EEF1A2: variants seen among roughly 807,000 people sequenced by gnomAD.
EEF1A2 encodes the protein eukaryotic translation elongation factor 1 alpha 2.
Under a neutral mutation model 39.3 loss-of-function variants are expected in EEF1A2, and 5 were observed. The observed-to-expected ratio is 0.13, with a 90% CI of 0.07 to 0.27. The LOEUF (loss-of-function observed/expected upper bound fraction) is 0.27, where lower values mean the gene tolerates loss of function less well. Ranked by LOEUF, EEF1A2 falls within the 10% of genes least tolerant of loss-of-function variation. EEF1A2 has a pLI of 1.00. For missense variants in EEF1A2, 218 were observed against 681.4 expected (o/e 0.32, Z 7.57); for synonymous variants, 287 against 293.7 (o/e 0.98, Z 0.23).
At position 63,497,948 on chromosome 20, in the gene EEF1A2, C is replaced by T; in HGVS notation, c.-71-114G>A. ...GCATCCCTGCCCACAAACCAAGCCCCCATGTTTGGTGGGGAGGGAAGGGCC... is the reference window on the plus strand; with the variant it reads ...GCATCCCTGCCCACAAACCAAGCCCTCATGTTTGGTGGGGAGGGAAGGGCC... On this transcript the variant is annotated intron_variant, in intron 1 of 7. Transcript: ENST00000217182. This position sits in a 1 kb window ranked among gnomAD's most constrained non-coding sequence, Gnocchi z 7.3. 2.5e-6 allele frequency: 2 copies of T among 803,242 alleles called. No homozygotes were observed. Among genetic ancestry groups the T allele is most frequent in the Non-Finnish European group, 3.7e-6 (2 of 542,220 alleles). 49.8% of individuals were successfully genotyped at this position (803,242 alleles called of 1,614,324 possible).
In EEF1A2 at chr20:63,491,958, G is replaced by GTGGA. The variant is rs145650602; in HGVS notation, c.772+1175_772+1178dup. Among the ~76,000 whole-genome samples the GTGGA allele has an allele frequency of 3.0e-3, 209 of 68,556 alleles. 3 individuals are homozygous for GTGGA. Among genetic ancestry groups the GTGGA allele is most frequent in the Non-Finnish European group, 4.0e-3 (154 of 38,614 alleles). The allele number at this position is 68,556 out of a possible 152,430, so 45.0% of individuals were successfully genotyped here. ...GATGGATGGACGGACGGATGGGGAG[G>GTGGA]TGGATGGATGGATGGATGGATGGAT... On this transcript the variant is annotated intron_variant, in intron 5 of 7. Transcript: ENST00000217182.
rs1167375518 is a variant in EEF1A2, at chr20:63,491,876, A to AGATGGATGGATG, written c.773-1153_773-1142dup. 2.1e-3 allele frequency among the ~76,000 whole-genome samples: 130 copies of AGATGGATGGATG among 62,324 alleles called. 3 individuals carry two copies. Among genetic ancestry groups the AGATGGATGGATG allele is most frequent in the Middle Eastern group, 0.014 (1 of 74 alleles). The allele number at this position is 62,324 out of a possible 152,430, so 40.9% of individuals were successfully genotyped here. On this transcript the variant is annotated intron_variant, in intron 5 of 7. Coordinates refer to ENST00000217182, the MANE Select transcript of EEF1A2 (RefSeq NM_001958.5). ...TGGATGGATGGGGAGGTGGATGGAT[A>AGATGGATGGATG]GATGGATGGATGGATGGATGGATGG...
At chr20:63,494,655 G>T in intron 4 of EEF1A2, 150 bp downstream of exon 4, 1 of 1,158,326 alleles carries the variant, frequency 8.6e-7, no homozygotes, top group Non-Finnish European at 1.2e-6. Context: ...CGGGCCCTGA[G>T]CCAGTTAGGG....
intron 3 of EEF1A2, among the ~76,000 whole-genome samples, chr20:63,495,303 C>T (rs942733549): frequency 6.6e-6 from 1 of 152,356 alleles, no homozygotes; most frequent in South Asian, 2.1e-4. Flanking sequence ...GTCAGGGGAC[C>T]GAGGTTCAGC....
At chr20:63,493,949 G>A (rs566860527) in intron 4 of EEF1A2, among the ~76,000 whole-genome samples, 1 of 152,244 alleles carries the variant, frequency 6.6e-6, no homozygotes, top group Non-Finnish European at 1.5e-5. Flanking sequence ...CTGGGGAGGG[G>A]AGAGTGGCGT....
rs1293976083 is a variant in EEF1A2, at chr20:63,498,992, G to T, written c.-72+66C>A. 1 of 149,686 alleles carries T rather than the reference G, an allele frequency of 6.7e-6. No homozygotes were observed. The highest frequency in any genetic ancestry group is 2.0e-4 in the East Asian group (1 of 5,126). The allele number at this position is 149,686 out of a possible 1,614,324, so 9.3% of individuals were successfully genotyped here. ...CGGCCACCCTCTGCCCCCCAGGACC[G>T]GCCCCGGGGGTCCCTCTTCGGAAGA... On this transcript the variant is annotated intron_variant, in intron 1 of 7. Transcript: ENST00000217182. This position sits in a 1 kb window ranked among gnomAD's most constrained non-coding sequence, Gnocchi z 4.1.
chr20:63,493,436 C>T, intron 4 of EEF1A2, 149 bp from the exon 5 acceptor site: 1 of 901,580 alleles, frequency 1.1e-6, no homozygotes, highest in Non-Finnish European at 1.6e-6. Context: ...CCCTGCTCCT[C>T]CCCAGCCCAT....
Position 63,494,786 on chromosome 20 carries a change from C to T in EEF1A2, c.621+19G>A, listed in dbSNP as rs982607125. On this transcript the variant is annotated intron_variant, in intron 4 of 7. Transcript: ENST00000217182. ...TCCAGCCAGCTCCCGTGGCCCGCCC[C>T]GCCCTAGCCGCCACTCACGTTGGGG... 7.5e-6 allele frequency: 12 copies of T among 1,600,476 alleles called. No homozygotes were observed. The highest frequency in any genetic ancestry group is 1.7e-5 in the Admixed American group (1 of 59,660).
chr20:63,495,457 G>A (rs1483382286), intron 3 of EEF1A2, among the ~76,000 whole-genome samples: 1 of 152,228 alleles, frequency 6.6e-6, no homozygotes, highest in Non-Finnish European at 1.5e-5. Flanking sequence ...TCTGCAGGGT[G>A]CTGTGTCTGG....
At position 63,497,933 on chromosome 20, in the gene EEF1A2, C is replaced by T; in HGVS notation, c.-71-99G>A. 2.2e-6 allele frequency: 2 copies of T among 906,328 alleles called. No individual in the cohort carries two copies. Among genetic ancestry groups the T allele is most frequent in the Non-Finnish European group, 3.2e-6 (2 of 625,546 alleles). 56.1% of individuals were successfully genotyped at this position (906,328 alleles called of 1,614,324 possible). Reference sequence around the variant, plus strand: ...GCACAGGCTGGACAGGCATCCCTGCCCACAAACCAAGCCCCCATGTTTGGT... The same window carrying T: ...GCACAGGCTGGACAGGCATCCCTGCTCACAAACCAAGCCCCCATGTTTGGT... On this transcript the variant is annotated intron_variant, in intron 1 of 7. Coordinates refer to ENST00000217182, the MANE Select transcript of EEF1A2 (RefSeq NM_001958.5). The surrounding 1 kb of genome is among the most constrained non-coding windows in gnomAD (Gnocchi z 7.3).
Position 63,488,571 on chromosome 20 carries a change from G to C in EEF1A2, c.1265-146C>G, listed in dbSNP as rs1283871536. The C allele has an allele frequency of 4.4e-6, 5 of 1,148,472 alleles. No individual in the cohort carries two copies. In the East Asian group the frequency reaches 1.2e-4, roughly 27 times the overall value. The allele number at this position is 1,148,472 out of a possible 1,614,324, so 71.1% of individuals were successfully genotyped here. A position where few individuals can be genotyped will look rare whatever the true frequency, so the allele number is the denominator to read the frequency against. On this transcript the variant is annotated intron_variant, in intron 7 of 7. Transcript: ENST00000217182. ...GAGCGCGCCCCTGTGAAGACGGCCG[G>C]CCTCGCGGGAGTCCTGCCTGGGCGG...
In EEF1A2 at chr20:63,494,915, C is replaced by G. The variant is rs150580796; in HGVS notation, c.511G>C (p.Val171Leu). Reference sequence around the variant, plus strand: ...TTGATGTAGGCGCTGACTTCCTTGACGATCTCGTCGTAGCGCTTCTCGCTG... The same window carrying G: ...TTGATGTAGGCGCTGACTTCCTTGAGGATCTCGTCGTAGCGCTTCTCGCTG... ...AYSEKRYDEI[V>L]KEVSAYIKKI... The change falls in exon 4 of 8, where the codon GTC (valine) becomes CTC (leucine). Residue 171 changes from valine to leucine, a missense_variant. Physicochemically the swap from Val to Leu is conservative, Grantham distance 32. Coordinates refer to ENST00000217182, the MANE Select transcript of EEF1A2 (RefSeq NM_001958.5). 1 of 1,612,822 alleles carries G rather than the reference C, an allele frequency of 6.2e-7. No individual in the cohort carries two copies. The highest frequency in any genetic ancestry group is 8.5e-7 in the Non-Finnish European group (1 of 1,179,978).
Position 63,495,901 on chromosome 20 carries a change from G to A in EEF1A2, c.279C>T (p.Pro93=), listed in dbSNP as rs142072676. 8.4e-5 allele frequency: 136 copies of A among 1,613,110 alleles called. 1 individual carries two copies. The African/African-American group carries it at 1.3e-3, about 16-fold the overall frequency. The change falls in exon 3 of 8, where the codon CCC becomes CCT. Residue 93 remains proline, a synonymous_variant. Coordinates refer to ENST00000217182, the MANE Select transcript of EEF1A2 (RefSeq NM_001958.5). ...TGTTCTTGATGAAGTCGCGGTGGCCGGGGGCATCGATGATGGTGATGTAGT... is the reference window on the plus strand; with the variant it reads ...TGTTCTTGATGAAGTCGCGGTGGCCAGGGGCATCGATGATGGTGATGTAGT... ...TKYYITIIDA[P]GHRDFIKNMI...
chr20:63,497,725 G>A lies in EEF1A2; in HGVS notation c.39C>T (p.Ile13=), dbSNP rs762508675. The A allele has an allele frequency of 1.5e-5, 25 of 1,613,016 alleles. No individual in the cohort carries two copies. Among genetic ancestry groups the A allele is most frequent in the Admixed American group, 8.3e-5 (5 of 59,996 alleles). ...KEKTHINIVV[I]GHVDSGKSTT... is the part of the protein sequence containing the mutation. ...TGGACTTTCCGGAGTCCACGTGGCC[G>A]ATGACCACGATGTTGATGTGGGTCT... The change falls in exon 2 of 8, where the codon ATC becomes ATT. Residue 13 remains isoleucine (I), a synonymous_variant. Coordinates refer to ENST00000217182, the MANE Select transcript of EEF1A2 (RefSeq NM_001958.5). This position sits in a 1 kb window ranked among gnomAD's most constrained non-coding sequence, Gnocchi z 7.3.
chr20:63,496,053 C>T lies in EEF1A2; in HGVS notation c.145-18G>A. ...TTCCCCATCTGGAGCGGGTGAGGGTCACGGCTGAGGGCGGGACCCGGGACC... is the reference window on the plus strand; with the variant it reads ...TTCCCCATCTGGAGCGGGTGAGGGTTACGGCTGAGGGCGGGACCCGGGACC... On this transcript the variant is annotated intron_variant, in intron 2 of 7. Transcript: ENST00000217182. The T allele has an allele frequency of 4.3e-6, 7 of 1,611,774 alleles. No individual in the cohort carries two copies. The highest frequency in any genetic ancestry group is 5.9e-6 in the Non-Finnish European group (7 of 1,179,650).
chr20:63,497,845 A>C lies in EEF1A2; in HGVS notation c.-71-11T>G. On this transcript the variant is annotated splice_polypyrimidine_tract_variant and intron_variant, in intron 1 of 7. Transcript: ENST00000217182. This position sits in a 1 kb window ranked among gnomAD's most constrained non-coding sequence, Gnocchi z 7.3. ...GGGGCTGCAGTGATTCTGTGGGGCCAGTGGTGGTGGGGAGACCGGTGATGG... is the reference window on the plus strand; with the variant it reads ...GGGGCTGCAGTGATTCTGTGGGGCCCGTGGTGGTGGGGAGACCGGTGATGG... The C allele has an allele frequency of 6.5e-7, 1 of 1,543,122 alleles. No homozygotes were observed.
At chr20:63,489,218 G>T (rs921915639) in intron 6 of EEF1A2, 66 bp from the exon 7 acceptor site, 1 of 1,503,184 alleles carries the variant, frequency 6.7e-7, no homozygotes, top group East Asian at 2.4e-5. Flanking sequence ...GCGCCAGAGC[G>T]GGGCTGGGAG....
chr20:63,494,925 G>A lies in EEF1A2; in HGVS notation c.501C>T (p.Tyr167=), dbSNP rs773761730. The A allele has an allele frequency of 1.7e-5, 27 of 1,612,818 alleles. No individual in the cohort carries two copies. The highest frequency in any genetic ancestry group is 3.3e-5 in the South Asian group (3 of 91,088). ...STEPAYSEKR[Y]DEIVKEVSAY... is the part of the protein sequence containing the mutation. Reference sequence around the variant, plus strand: ...CGCTGACTTCCTTGACGATCTCGTCGTAGCGCTTCTCGCTGTAGGCCGGCT... The same window carrying A: ...CGCTGACTTCCTTGACGATCTCGTCATAGCGCTTCTCGCTGTAGGCCGGCT... The change falls in exon 4 of 8, where the codon TAC becomes TAT. Residue 167 remains tyrosine, a synonymous_variant. Transcript: ENST00000217182.
chr20:63,493,382 A>G (rs1423073230), intron 4 of EEF1A2, 95 bp from the exon 5 acceptor site: 2 of 1,384,788 alleles, frequency 1.4e-6, no homozygotes, highest in East Asian at 5.6e-5. Context: ...ACTGCTGTTC[A>G]GGCTAAACTT....
Sources: allele counts gnomAD v4.1 joint callset (sites outside exome capture counted in the v4.1 genomes callset), GRCh38; gene constraint gnomAD v4.1.1; non-coding constraint Gnocchi (gnomAD v3.1); transcripts MANE v1.5; gene names NCBI Gene and HGNC (gene_info 2026-07-23, HGNC 2026-07-21).